Variants in NECAB1 observed in about 807,000 individuals in gnomAD.
NECAB1 encodes the protein N-terminal EF-hand calcium-binding protein 1.
Under a neutral mutation model 57.5 loss-of-function variants are expected in NECAB1, and 29 were observed. That is an observed-to-expected ratio of 0.50 (90% CI 0.38 to 0.69). NECAB1 has a LOEUF of 0.69. Among genes scored for constraint, NECAB1 ranks in the 30% least tolerant of loss-of-function variants. NECAB1 has a pLI of 0.00. For missense variants in NECAB1, 372 were observed against 413.8 expected (o/e 0.90, Z 0.88); for synonymous variants, 142 against 147.7 (o/e 0.96, Z 0.28).
At chr8:90,821,055 T>C (rs950622074) in intron 2 of NECAB1, among the ~76,000 whole-genome samples, 3 of 151,902 alleles carry the variant, frequency 2.0e-5, no homozygotes, top group Non-Finnish European at 4.4e-5. Flanking sequence ...GCATTCTCCC[T>C]GGGAGAACTC....
chr8:90,873,127 AT>A (rs1808649369), intron 4 of NECAB1, among the ~76,000 whole-genome samples: 1 of 152,238 alleles, frequency 6.6e-6, no homozygotes, highest in Non-Finnish European at 1.5e-5. Flanking sequence ...ACTGAACAAA[AT>A]GAGCATAATC....
chr8:90,914,041 T>A (rs1809892658), intron 5 of NECAB1, among the ~76,000 whole-genome samples: 1 of 152,160 alleles, frequency 6.6e-6, no homozygotes, highest in South Asian at 2.1e-4. Context: ...CAAGAGTACT[T>A]CCCAGAGCTT....
At chr8:90,951,428 A>T (rs1353833488) in intron 12 of NECAB1, among the ~76,000 whole-genome samples, 11 of 152,122 alleles carry the variant, frequency 7.2e-5, no homozygotes, top group African/African-American at 2.7e-4. Flanking sequence ...GCTATACTGA[A>T]CCATTAGTCA....
chr8:90,874,228 C>T (rs1450774194), intron 4 of NECAB1, among the ~76,000 whole-genome samples: 1 of 152,156 alleles, frequency 6.6e-6, no homozygotes, highest in Non-Finnish European at 1.5e-5. Context: ...GTGGGAGGGG[C>T]AGAACTTGAT....
At chr8:90,872,084 T>G (rs376731746) in intron 3 of NECAB1, 44 bp from the exon 4 acceptor site, 1 of 1,474,768 alleles carries the variant, frequency 6.8e-7, no homozygotes, top group Non-Finnish European at 9.2e-7. Context: ...GTTAAAAATA[T>G]TACCAAAGTA....
chr8:90,868,085 CTT>C (rs1808554439), intron 3 of NECAB1, among the ~76,000 whole-genome samples: 1 of 76,204 alleles, frequency 1.3e-5, no homozygotes, highest in Admixed American at 1.9e-4. Flanking sequence ...CACTCTCTCT[CTT>C]TCTCCTGCTC....
At chr8:90,849,818 C>T (rs924589234) in intron 3 of NECAB1, among the ~76,000 whole-genome samples, 3 of 151,242 alleles carry the variant, frequency 2.0e-5, no homozygotes, top group African/African-American at 7.3e-5. Flanking sequence ...CTCAGCCTCC[C>T]GAGTACACTA....
intron 7 of NECAB1, among the ~76,000 whole-genome samples, chr8:90,927,287 C>T (rs1810297971): frequency 7.0e-6 from 1 of 142,654 alleles, no homozygotes; most frequent in Non-Finnish European, 1.5e-5. Context: ...TTGAAAGGTG[C>T]TTCCTCCAAG....
chr8:90,813,680 C>T (rs1319053125), intron 2 of NECAB1, among the ~76,000 whole-genome samples: 1 of 152,120 alleles, frequency 6.6e-6, no homozygotes, highest in Non-Finnish European at 1.5e-5. Context: ...GTGCACACCA[C>T]CACACCCAGC....
At chr8:90,918,004 A>G (rs1003995474) in intron 6 of NECAB1, among the ~76,000 whole-genome samples, 7 of 136,722 alleles carry the variant, frequency 5.1e-5, no homozygotes, top group East Asian at 4.4e-4. Context: ...GTGTGTGTGT[A>G]TATATATATA....
At chr8:90,911,410 G>A (rs1809827102) in intron 5 of NECAB1, among the ~76,000 whole-genome samples, 1 of 152,044 alleles carries the variant, frequency 6.6e-6, no homozygotes, top group African/African-American at 2.4e-5. Flanking sequence ...GTATCTGATT[G>A]TATATATTAT....
intron 3 of NECAB1, among the ~76,000 whole-genome samples, chr8:90,826,743 AAAAT>A (rs1812231911): frequency 6.6e-6 from 1 of 151,696 alleles, no homozygotes; most frequent in Non-Finnish European, 1.5e-5. Context: ...ATACTAATGA[AAAAT>A]AAAGTTTTCA....
intron 10 of NECAB1, among the ~76,000 whole-genome samples, chr8:90,947,067 T>C (rs1810819257): frequency 6.6e-6 from 1 of 152,136 alleles, no homozygotes; most frequent in South Asian, 2.1e-4. Flanking sequence ...GAGCAATACA[T>C]GTAGAAATCA....
chr8:90,810,417 C>A (rs1463956433), intron 2 of NECAB1, among the ~76,000 whole-genome samples: 3 of 152,212 alleles, frequency 2.0e-5, no homozygotes, highest in Middle Eastern at 6.8e-3. Context: ...AATACAAAGA[C>A]AAAAGAATAC....
At chr8:90,864,233 G>T (rs1808462738) in intron 3 of NECAB1, among the ~76,000 whole-genome samples, 1 of 149,882 alleles carries the variant, frequency 6.7e-6, no homozygotes, top group Admixed American at 6.7e-5. Context: ...GACTCTGGAA[G>T]AGTTTCAGGT....
chr8:90,810,678 G>A (rs1811943814), intron 2 of NECAB1, among the ~76,000 whole-genome samples: 2 of 151,950 alleles, frequency 1.3e-5, no homozygotes. Context: ...CTTCACTTGC[G>A]AACTAAGGAA....
chr8:90,923,559 T>C (rs1161136306), intron 6 of NECAB1, among the ~76,000 whole-genome samples: 1 of 152,232 alleles, frequency 6.6e-6, no homozygotes. Flanking sequence ...GTCAGACTTG[T>C]AGTTCCTCCT....
At chr8:90,846,955 G>A (rs1812574038) in intron 3 of NECAB1, among the ~76,000 whole-genome samples, 1 of 152,094 alleles carries the variant, frequency 6.6e-6, no homozygotes, top group African/African-American at 2.4e-5. Context: ...CCATATCATT[G>A]TGCCCTGGCC....
chr8:90,936,679 TG>T (rs1310033670), intron 9 of NECAB1, among the ~76,000 whole-genome samples: 1 of 152,170 alleles, frequency 6.6e-6, no homozygotes, highest in Non-Finnish European at 1.5e-5. Flanking sequence ...CAGAGCAGAT[TG>T]TCTGGCAGGC....
Sources: gnomAD v4.1 joint callset for allele counts (sites outside exome capture counted in the v4.1 genomes callset) on GRCh38, gnomAD v4.1.1 for gene constraint, MANE v1.5 for transcripts, NCBI Gene and HGNC (gene_info 2026-07-23, HGNC 2026-07-21) for gene names.